Variants in WDR88 observed in about 807,000 individuals in gnomAD.
The protein encoded by WDR88 is WD repeat-containing protein 88.
WDR88 carries 40 observed loss-of-function variants against 46.8 expected under a neutral mutation model. That is an observed-to-expected ratio of 0.86 (90% CI 0.66 to 1.11). The LOEUF (loss-of-function observed/expected upper bound fraction) is 1.11, where lower values mean the gene tolerates loss of function less well. WDR88 is among the 50% of genes most tolerant of loss of function. The pLI is 0.00. For missense variants in WDR88, 562 were observed against 602.4 expected (o/e 0.93, Z 0.70); for synonymous variants, 235 against 240.7 (o/e 0.98, Z 0.22).
At chr19:33,151,008 G>A (rs1395000486) in intron 5 of WDR88, among the ~76,000 whole-genome samples, 173 bp from the exon 6 acceptor site, 2 of 152,364 alleles carry the variant, frequency 1.3e-5, no homozygotes, top group East Asian at 1.9e-4. Context: ...CTGTGCTCCC[G>A]GTTCAAAGCC....
At chr19:33,162,545 C>A in intron 8 of WDR88, among the ~76,000 whole-genome samples, 1 of 152,106 alleles carries the variant, frequency 6.6e-6, no homozygotes, top group East Asian at 1.9e-4. Flanking sequence ...AAAGAAAACA[C>A]CCCACTCCTT....
In WDR88 at chr19:33,132,434, C is replaced by A. The variant is rs1973146863; in HGVS notation, c.265C>A (p.Pro89Thr). 6.2e-7 allele frequency: 1 copy of A among 1,613,842 alleles called. No homozygotes were observed. The highest frequency in any genetic ancestry group is 2.2e-5 in the East Asian group (1 of 44,874). The change falls in exon 1 of 11, where the codon CCT (proline) becomes ACT (threonine). Residue 89 changes from proline to threonine, a missense_variant. Pro to Thr is a conservative substitution (Grantham distance 38). Coordinates refer to ENST00000355868, the MANE Select transcript of WDR88 (RefSeq NM_173479.4). ...GAAATTGATCTGGGGCGACCAGGACCCTCTCTCCAAGGTCAGAACCGCCGC... is the reference window on the plus strand; with the variant it reads ...GAAATTGATCTGGGGCGACCAGGACACTCTCTCCAAGGTCAGAACCGCCGC... ...PEKLIWGDQDPLSKIPFKILS... is the reference protein window; with the variant it reads ...PEKLIWGDQDTLSKIPFKILS...
intron 5 of WDR88, 81 bp from the exon 6 acceptor site, chr19:33,151,100 C>G (rs1483213302): frequency 1.3e-6 from 2 of 1,495,534 alleles, no homozygotes; most frequent in African/African-American, 1.4e-5. Context: ...GTAATCGTCA[C>G]TGGCTGGGGA....
At chr19:33,153,482 A>C (rs1973674949) in intron 6 of WDR88, among the ~76,000 whole-genome samples, 1 of 152,058 alleles carries the variant, frequency 6.6e-6, no homozygotes, top group African/African-American at 2.4e-5. Context: ...CTGAGAACTG[A>C]AAATGATATA....
chr19:33,141,488 C>T (rs1447372958), intron 2 of WDR88, among the ~76,000 whole-genome samples: 1 of 152,074 alleles, frequency 6.6e-6, no homozygotes, highest in South Asian at 2.1e-4. Flanking sequence ...CCTTGGCCTC[C>T]CAAAACACTG....
chr19:33,168,780 TGAA>T (rs1031213025), intron 9 of WDR88, among the ~76,000 whole-genome samples: 2 of 151,822 alleles, frequency 1.3e-5, no homozygotes, highest in East Asian at 1.9e-4. Flanking sequence ...AAAAGAATCT[TGAA>T]GAAGGAGAAG....
chr19:33,156,726 C>A (rs1254729194), intron 7 of WDR88, among the ~76,000 whole-genome samples, 184 bp downstream of exon 7: 1 of 152,138 alleles, frequency 6.6e-6, no homozygotes, highest in African/African-American at 2.4e-5. Flanking sequence ...GTGGTAGAAA[C>A]TCAGCTCAAT....
chr19:33,149,321 C>CAAA lies in WDR88; in HGVS notation c.679+416_679+418dup, dbSNP rs1166594712. Among the ~76,000 whole-genome samples, 4 of 129,120 alleles carry CAAA rather than the reference C, an allele frequency of 3.1e-5. No homozygotes were observed. The East Asian group carries it at 9.3e-4, about 30-fold the overall frequency. The allele number at this position is 129,120 out of a possible 152,430, so 84.7% of individuals were successfully genotyped here. A position where few individuals can be genotyped will look rare whatever the true frequency, so the allele number is the denominator to read the frequency against. ...TGGCAGACAGAGTGAGACTCCATCT[C>CAAA]AAAAAAACAAACAAACAAACAAAAA... On this transcript the variant is annotated intron_variant, in intron 5 of 10. Transcript: ENST00000355868.
chr19:33,161,828 G>A (rs1973872317), intron 8 of WDR88, among the ~76,000 whole-genome samples: 1 of 152,006 alleles, frequency 6.6e-6, no homozygotes, highest in Non-Finnish European at 1.5e-5. Context: ...AGCCAGGTGT[G>A]GTCATGCCCA....
chr19:33,164,760 A>G (rs1973926823), intron 9 of WDR88, among the ~76,000 whole-genome samples: 1 of 152,050 alleles, frequency 6.6e-6, no homozygotes, highest in Non-Finnish European at 1.5e-5. Context: ...GCAGTCCCCA[A>G]CCTTTTTGGC....
intron 2 of WDR88, among the ~76,000 whole-genome samples, chr19:33,138,687 C>CTTTTTTTTTTT (rs1218123445): frequency 1.5e-5 from 1 of 67,640 alleles, no homozygotes. Flanking sequence ...CTTTTCTTTT[C>CTTTTTTTTTTT]TTTTTTTTTT....
intron 7 of WDR88, among the ~76,000 whole-genome samples, chr19:33,157,862 G>A (rs1433081398): frequency 6.6e-6 from 1 of 151,282 alleles, no homozygotes; most frequent in Non-Finnish European, 1.5e-5. Context: ...GACTCCCATT[G>A]GCTCAGCTTG....
intron 9 of WDR88, among the ~76,000 whole-genome samples, chr19:33,165,886 A>C (rs1407921670): frequency 7.1e-6 from 1 of 141,662 alleles, no homozygotes; most frequent in African/African-American, 2.7e-5. Flanking sequence ...GGGTGACAAG[A>C]GCGAAACTCT....
intron 2 of WDR88, among the ~76,000 whole-genome samples, chr19:33,140,619 G>A (rs961484933): frequency 5.9e-5 from 9 of 152,138 alleles, no homozygotes; most frequent in African/African-American, 4.8e-5. Context: ...GTGAAACCCC[G>A]TCTCTACTAA....
intron 1 of WDR88, among the ~76,000 whole-genome samples, chr19:33,134,334 T>C (rs1973204839): frequency 6.6e-6 from 1 of 151,714 alleles, no homozygotes; most frequent in African/African-American, 2.4e-5. Context: ...TTAAATTATA[T>C]ATTTTTTAAA....
At chr19:33,153,337 T>C (rs1973672527) in intron 6 of WDR88, among the ~76,000 whole-genome samples, 1 of 151,768 alleles carries the variant, frequency 6.6e-6, no homozygotes, top group Non-Finnish European at 1.5e-5. Flanking sequence ...AGTTCTGGGA[T>C]GACAGGTGTG....
intron 6 of WDR88, 49 bp downstream of exon 6, chr19:33,151,359 C>T: frequency 7.6e-6 from 12 of 1,587,796 alleles, no homozygotes; most frequent in Non-Finnish European, 1.0e-5. Flanking sequence ...GGGGCGTCCC[C>T]ATTCATGACT....
At chr19:33,168,319 C>T (rs1012405016) in intron 9 of WDR88, among the ~76,000 whole-genome samples, 4 of 152,190 alleles carry the variant, frequency 2.6e-5, no homozygotes, top group African/African-American at 9.6e-5. Flanking sequence ...AGCCACCGTG[C>T]CCGGCCCCAA....
At chr19:33,158,358 A>G (rs541517457) in intron 7 of WDR88, among the ~76,000 whole-genome samples, 16 of 152,198 alleles carry the variant, frequency 1.1e-4, no homozygotes, top group African/African-American at 2.9e-4. Context: ...AATCACATGC[A>G]GTTGAGCCAA....
Sources: gnomAD v4.1 joint callset for allele counts (sites outside exome capture counted in the v4.1 genomes callset) on GRCh38, gnomAD v4.1.1 for gene constraint, MANE v1.5 for transcripts, NCBI Gene and HGNC (gene_info 2026-07-23, HGNC 2026-07-21) for gene names.